The following STXBP5L variants were observed in gnomAD, a reference collection of about 807,000 sequenced individuals.
STXBP5L encodes the protein syntaxin-binding protein 5-like.
In STXBP5L, 65 loss-of-function variants were observed where a neutral mutation model predicts 144.5. The observed-to-expected ratio is 0.45, with a 90% CI of 0.37 to 0.55. The LOEUF (loss-of-function observed/expected upper bound fraction) is 0.55, where lower values mean the gene tolerates loss of function less well. Ranked by LOEUF, STXBP5L falls within the 20% of genes least tolerant of loss-of-function variation. STXBP5L has a pLI of 0.00. For synonymous variants in STXBP5L, 505 were observed against 469.6 expected, an observed-to-expected ratio of 1.08 and a Z score of -0.97; for missense variants, 1,298 against 1,405.5, an observed-to-expected ratio of 0.92 and a Z score of 1.22.
At chr3:121,337,059 G>A (rs1028827405) in intron 20 of STXBP5L, among the ~76,000 whole-genome samples, 2 of 152,070 alleles carry the variant, frequency 1.3e-5, no homozygotes, top group African/African-American at 4.8e-5. Flanking sequence ...ATGAGAACAC[G>A]TGGACACAGA....
At chr3:120,991,628 A>G (rs1057435545) in intron 3 of STXBP5L, among the ~76,000 whole-genome samples, 43 of 152,230 alleles carry the variant, frequency 2.8e-4, no homozygotes, top group African/African-American at 9.6e-4. Context: ...TGGCACATAT[A>G]CACCATGGAA....
intron 9 of STXBP5L, among the ~76,000 whole-genome samples, chr3:121,181,640 A>G (rs778408474): frequency 1.3e-4 from 19 of 151,796 alleles, no homozygotes; most frequent in Non-Finnish European, 2.7e-4. Flanking sequence ...AGGATGAGGC[A>G]GGAGAATTGC....
intron 2 of STXBP5L, among the ~76,000 whole-genome samples, chr3:120,914,844 C>T (rs536853339): frequency 1.3e-4 from 20 of 152,100 alleles, no homozygotes; most frequent in Middle Eastern, 3.4e-3. Flanking sequence ...TGCTAACAAG[C>T]GTAATAACCA....
chr3:121,098,617 A>G (rs1411287387), intron 5 of STXBP5L, among the ~76,000 whole-genome samples: 1 of 152,210 alleles, frequency 6.6e-6, no homozygotes, highest in Non-Finnish European at 1.5e-5. Flanking sequence ...AAACCGTATT[A>G]TGAGGCCAGA....
chr3:121,302,211 C>A (rs1360505797), intron 19 of STXBP5L, among the ~76,000 whole-genome samples: 1 of 152,100 alleles, frequency 6.6e-6, no homozygotes, highest in African/African-American at 2.4e-5. Context: ...ATTATTGCCT[C>A]AATTTCAGAG....
At chr3:120,965,740 GAC>G (rs1939488826) in intron 3 of STXBP5L, among the ~76,000 whole-genome samples, 1 of 152,102 alleles carries the variant, frequency 6.6e-6, no homozygotes, top group East Asian at 1.9e-4. Context: ...TGTTGAATCT[GAC>G]AGTTATGTGT....
chr3:121,415,370 T>C (rs896504605), intron 24 of STXBP5L, among the ~76,000 whole-genome samples: 10 of 152,310 alleles, frequency 6.6e-5, no homozygotes, highest in African/African-American at 9.6e-5. Flanking sequence ...ATACAGTAGC[T>C]GCCTATTTTG....
At chr3:120,992,368 C>G (rs918127385) in intron 3 of STXBP5L, among the ~76,000 whole-genome samples, 1 of 151,964 alleles carries the variant, frequency 6.6e-6, no homozygotes, top group Non-Finnish European at 1.5e-5. Context: ...TATAATCACC[C>G]TACTCTGCTA....
chr3:121,312,699 A>G (rs1453140141), intron 19 of STXBP5L, among the ~76,000 whole-genome samples: 1 of 151,412 alleles, frequency 6.6e-6, no homozygotes, highest in African/African-American at 2.4e-5. Flanking sequence ...CTGTTTAACA[A>G]AGCACATCTT....
intron 20 of STXBP5L, among the ~76,000 whole-genome samples, chr3:121,345,843 T>C (rs2044943709): frequency 6.6e-6 from 1 of 152,048 alleles, no homozygotes; most frequent in South Asian, 2.1e-4. Flanking sequence ...TCAGACAATA[T>C]ATCTAAAGGA....
At chr3:121,372,541 G>T (rs533730808) in intron 20 of STXBP5L, among the ~76,000 whole-genome samples, 1 of 152,188 alleles carries the variant, frequency 6.6e-6, no homozygotes. Flanking sequence ...GGCGATAGCA[G>T]GTTCCTTCTT....
At chr3:121,313,315 C>T (rs1267600796) in intron 19 of STXBP5L, among the ~76,000 whole-genome samples, 11 of 142,026 alleles carry the variant, frequency 7.7e-5, no homozygotes, top group Non-Finnish European at 1.6e-4. Flanking sequence ...CCCTCACCTC[C>T]TGGACGGGGC....
intron 19 of STXBP5L, among the ~76,000 whole-genome samples, chr3:121,299,778 G>A (rs1241344576): frequency 6.6e-6 from 1 of 151,926 alleles, no homozygotes; most frequent in African/African-American, 2.4e-5. Flanking sequence ...TTTGAACTCA[G>A]GAGTTCAAGA....
chr3:121,274,224 G>C (rs573533975), intron 18 of STXBP5L, among the ~76,000 whole-genome samples: 10 of 149,516 alleles, frequency 6.7e-5, no homozygotes, highest in Non-Finnish European at 9.1e-5. Context: ...AGATACAGTG[G>C]GGAAATGCTT....
intron 15 of STXBP5L, among the ~76,000 whole-genome samples, chr3:121,253,490 A>G (rs2050094012): frequency 6.6e-6 from 1 of 151,902 alleles, no homozygotes; most frequent in Non-Finnish European, 1.5e-5. Context: ...ATTCACTTAC[A>G]TAACCAGACT....
intron 20 of STXBP5L, among the ~76,000 whole-genome samples, chr3:121,367,391 A>G (rs1345783774): frequency 6.6e-6 from 1 of 152,012 alleles, no homozygotes; most frequent in Non-Finnish European, 1.5e-5. Context: ...TTTGAAGGAC[A>G]CTTTTGCCAG....
intron 20 of STXBP5L, among the ~76,000 whole-genome samples, chr3:121,354,594 T>A (rs975405967): frequency 2.6e-4 from 39 of 149,486 alleles, no homozygotes; most frequent in African/African-American, 9.4e-4. Context: ...TGTCTTTGCA[T>A]GTGAGATGGG....
At chr3:120,944,642 C>T (rs1403653895) in intron 2 of STXBP5L, among the ~76,000 whole-genome samples, 2 of 151,708 alleles carry the variant, frequency 1.3e-5, no homozygotes, top group African/African-American at 4.8e-5. Context: ...ATACTTCCAT[C>T]GCCAATGACC....
At chr3:121,200,064 G>A (rs933736270) in intron 9 of STXBP5L, among the ~76,000 whole-genome samples, 3 of 152,180 alleles carry the variant, frequency 2.0e-5, no homozygotes, top group Non-Finnish European at 4.4e-5. Flanking sequence ...AATGGTTCCA[G>A]CTCCTCTTTG....
Sources: allele counts gnomAD v4.1 joint callset (sites outside exome capture counted in the v4.1 genomes callset), GRCh38; gene constraint gnomAD v4.1.1; transcripts MANE v1.5; gene names NCBI Gene and HGNC (gene_info 2026-07-23, HGNC 2026-07-21).